Variants in ARHGAP31 observed in about 807,000 individuals in gnomAD.
ARHGAP31 encodes rho GTPase-activating protein 31.
A neutral mutation model predicts 113.9 loss-of-function variants in ARHGAP31; 34 were observed. The ratio of observed to expected loss-of-function variants is 0.30; its 90% CI spans 0.23 to 0.40. The LOEUF (loss-of-function observed/expected upper bound fraction) is 0.40, where lower values mean the gene tolerates loss of function less well. ARHGAP31 is among the 10% of genes least tolerant of loss of function. The pLI, the probability that ARHGAP31 is intolerant of heterozygous loss-of-function variation, is 1.00. For missense variants in ARHGAP31, 1,548 were observed against 1,767.1 expected (o/e 0.88, Z 2.22); for synonymous variants, 650 against 684.8 (o/e 0.95, Z 0.79).
At chr3:119,303,471 G>C (rs1449325092) in intron 1 of ARHGAP31, among the ~76,000 whole-genome samples, 3 of 152,170 alleles carry the variant, frequency 2.0e-5, no homozygotes, top group Non-Finnish European at 4.4e-5. Context: ...TTCTGGGATC[G>C]AGTCTCAGGC....
chr3:119,336,270 G>A (rs1470219161), intron 1 of ARHGAP31, among the ~76,000 whole-genome samples: 6 of 152,148 alleles, frequency 3.9e-5, no homozygotes, highest in Non-Finnish European at 7.4e-5. Flanking sequence ...AATGGCTCTT[G>A]ACTTCCTAAA....
At chr3:119,378,256 A>G (rs1204148586) in intron 3 of ARHGAP31, among the ~76,000 whole-genome samples, 3 of 152,162 alleles carry the variant, frequency 2.0e-5, no homozygotes, top group African/African-American at 7.2e-5. Flanking sequence ...CTGTGGTCCT[A>G]ATGGGACAAC....
intron 1 of ARHGAP31, among the ~76,000 whole-genome samples, chr3:119,315,014 T>G (rs990896157): frequency 6.6e-6 from 1 of 152,058 alleles, no homozygotes; most frequent in Non-Finnish European, 1.5e-5. Flanking sequence ...CCCTTGTGCC[T>G]CCCCCAAGCC....
chr3:119,371,541 G>T (rs1188631386), intron 3 of ARHGAP31, among the ~76,000 whole-genome samples: 1 of 152,176 alleles, frequency 6.6e-6, no homozygotes, highest in Non-Finnish European at 1.5e-5. Flanking sequence ...TTTGATCACA[G>T]ATAATATAAG....
At chr3:119,300,921 C>G (rs2079578605) in intron 1 of ARHGAP31, among the ~76,000 whole-genome samples, 1 of 151,968 alleles carries the variant, frequency 6.6e-6, no homozygotes, top group Admixed American at 6.5e-5. Flanking sequence ...AAGTCAGGTC[C>G]TGGATGTGGA....
At chr3:119,308,188 G>A (rs893941246) in intron 1 of ARHGAP31, among the ~76,000 whole-genome samples, 8 of 152,188 alleles carry the variant, frequency 5.3e-5, no homozygotes, top group African/African-American at 1.9e-4. Flanking sequence ...TTACAGACAA[G>A]TAAATGCTGC....
chr3:119,413,978 G>A lies in ARHGAP31; in HGVS notation c.2049G>A (p.Gln683=), dbSNP rs2080742348. 1 of 1,614,148 alleles carries A rather than the reference G, an allele frequency of 6.2e-7. No individual in the cohort carries two copies. Among genetic ancestry groups the A allele is most frequent in the Non-Finnish European group, 8.5e-7 (1 of 1,180,020 alleles). Residue 683 remains glutamine (Q), a synonymous_variant, in exon 12 of 12, where the codon CAG becomes CAA. Transcript: ENST00000264245. The part of the protein sequence containing the change: ...PPPALKTSPI[Q]PILESSLGPF... Reference sequence around the variant, plus strand: ...CTGCTCTGAAGACCAGCCCAATTCAGCCTATTCTCGAGTCGAGTCTGGGGC... The same window carrying A: ...CTGCTCTGAAGACCAGCCCAATTCAACCTATTCTCGAGTCGAGTCTGGGGC...
intron 6 of ARHGAP31, among the ~76,000 whole-genome samples, chr3:119,390,122 G>A (rs999335635): frequency 1.3e-5 from 2 of 152,048 alleles, no homozygotes; most frequent in African/African-American, 4.8e-5. Flanking sequence ...CTGTGCATCA[G>A]CGATTGTCAT....
At chr3:119,405,001 T>C (rs2080647513) in intron 10 of ARHGAP31, among the ~76,000 whole-genome samples, 1 of 152,200 alleles carries the variant, frequency 6.6e-6, no homozygotes, top group Non-Finnish European at 1.5e-5. Context: ...GAAACGCTTG[T>C]TAAGGAAGAT....
intron 1 of ARHGAP31, among the ~76,000 whole-genome samples, chr3:119,300,362 T>C (rs2079570538): frequency 1.3e-5 from 2 of 152,136 alleles, no homozygotes; most frequent in South Asian, 4.1e-4. Context: ...GTAAATGATA[T>C]GATAAGATGG....
chr3:119,386,496 C>T (rs756105621), intron 6 of ARHGAP31, among the ~76,000 whole-genome samples: 11 of 152,162 alleles, frequency 7.2e-5, no homozygotes, highest in Non-Finnish European at 1.6e-4. Flanking sequence ...ACCCTCATGA[C>T]CTAATCACCT....
At chr3:119,355,698 A>T (rs1207488316) in intron 1 of ARHGAP31, among the ~76,000 whole-genome samples, 6 of 151,822 alleles carry the variant, frequency 4.0e-5, no homozygotes, top group African/African-American at 1.5e-4. Context: ...AAGTGTTCTC[A>T]TTGTTCAATT....
intron 8 of ARHGAP31, among the ~76,000 whole-genome samples, chr3:119,397,222 G>C (rs534482262): frequency 2.0e-5 from 3 of 152,306 alleles, no homozygotes; most frequent in South Asian, 2.1e-4. Flanking sequence ...TGTCCACCAA[G>C]CCACATCTCT....
intron 1 of ARHGAP31, among the ~76,000 whole-genome samples, chr3:119,315,197 G>C (rs960706216): frequency 1.3e-5 from 2 of 152,166 alleles, no homozygotes; most frequent in Non-Finnish European, 2.9e-5. Flanking sequence ...ATTGCTTTTT[G>C]TAACAATGAA....
intron 1 of ARHGAP31, among the ~76,000 whole-genome samples, chr3:119,352,313 C>A (rs968434867): frequency 2.0e-5 from 3 of 152,198 alleles, no homozygotes; most frequent in African/African-American, 7.2e-5. Context: ...CAAACACACA[C>A]ACCCAGAGGC....
chr3:119,344,952 G>A (rs77857118), intron 1 of ARHGAP31, among the ~76,000 whole-genome samples: 16,330 of 145,000 alleles, frequency 0.11, 897 homozygotes, highest in African/African-American at 0.15. Context: ...CACTGCTGGT[G>A]GGATTTTTTT....
chr3:119,317,171 ATTTTCTT>A (rs1324300665), intron 1 of ARHGAP31, among the ~76,000 whole-genome samples: 2 of 147,138 alleles, frequency 1.4e-5, no homozygotes, highest in African/African-American at 2.5e-5. Flanking sequence ...TCACATTTCT[ATTTTCTT>A]TTTTCTTTTT....
Position 119,294,701 on chromosome 3 carries a change from AGCGGCGCGGG to A in ARHGAP31, c.-202_-193del. 1.7e-6 allele frequency: 1 copy of A among 597,644 alleles called. No homozygotes were observed. Among genetic ancestry groups the A allele is most frequent in the Non-Finnish European group, 2.9e-6 (1 of 339,898 alleles). 37.0% of individuals were successfully genotyped at this position (597,644 alleles called of 1,614,324 possible). ...CACGGCCTCGGCACGGCGGCCCCGG[AGCGGCGCGGG>A]GTGGATCTCAGGCTCTGCCGGCCCG... On this transcript the variant is annotated 5_prime_UTR_variant, in exon 1 of 12. Transcript: ENST00000264245.
rs1365739496 is a variant in ARHGAP31 at position 119,414,176 on chromosome 3, C to T, written c.2247C>T (p.Leu749=). 3.7e-6 allele frequency: 6 copies of T among 1,614,030 alleles called. No homozygotes were observed. The African/African-American group carries it at 4.0e-5, about 11-fold the overall frequency. Residue 749 remains leucine (L), a synonymous_variant, in exon 12 of 12, where the codon CTC becomes CTT. Coordinates refer to ENST00000264245, the MANE Select transcript of ARHGAP31 (RefSeq NM_020754.4). ...PEPEQGLHPD[L]ASLAPLEIVP... ...CTGAGCAGGGCCTGCACCCAGACCT[C>T]GCCAGCCTGGCTCCTCTGGAAATAG...
Sources: gnomAD v4.1 joint callset for allele counts (sites outside exome capture counted in the v4.1 genomes callset) on GRCh38, gnomAD v4.1.1 for gene constraint, MANE v1.5 for transcripts, NCBI Gene and HGNC (gene_info 2026-07-23, HGNC 2026-07-21) for gene names.